The following SLC44A5 variants were observed in gnomAD, a reference collection of about 807,000 sequenced individuals.
SLC44A5 encodes the protein choline transporter-like protein 5.
SLC44A5 carries 57 observed loss-of-function variants against 101.8 expected under a neutral mutation model. The observed-to-expected ratio is 0.56, with a 90% CI of 0.45 to 0.70. SLC44A5 has a LOEUF of 0.70. Among genes scored for constraint, SLC44A5 ranks in the 30% least tolerant of loss-of-function variants. The pLI is 0.00. For synonymous variants in SLC44A5, 281 were observed against 290.9 expected (o/e 0.97, Z 0.35); for missense variants, 737 against 853.1 (o/e 0.86, Z 1.70).
the SLC44A5 span, among the ~76,000 whole-genome samples, chr1:75,627,508 G>A: frequency 2.0e-5 from 3 of 151,916 alleles, no homozygotes; most frequent in African/African-American, 7.3e-5. Context: ...GCGAGACCTT[G>A]TCTGTACAAA....
chr1:75,657,826 A>G, the SLC44A5 span, among the ~76,000 whole-genome samples: 2 of 152,150 alleles, frequency 1.3e-5, no homozygotes, highest in Admixed American at 6.5e-5. Flanking sequence ...CAACAATAGT[A>G]AAGGACTTCA....
chr1:75,636,927 T>C, the SLC44A5 span, among the ~76,000 whole-genome samples: 1 of 152,002 alleles, frequency 6.6e-6, no homozygotes, highest in East Asian at 1.9e-4. Flanking sequence ...CAAGGCTTAT[T>C]TGAGCAGTAG....
chr1:75,273,881 C>T (rs994086685), intron 6 of SLC44A5, among the ~76,000 whole-genome samples: 4 of 151,974 alleles, frequency 2.6e-5, no homozygotes, highest in African/African-American at 9.7e-5. Context: ...TAGGGTGATA[C>T]GGGCTTCCTA....
At chr1:75,330,094 A>AATAT (rs372949929) in intron 4 of SLC44A5, among the ~76,000 whole-genome samples, 2,134 of 147,402 alleles carry the variant, frequency 0.014, 57 homozygotes, top group African/African-American at 0.052. Context: ...TGGCAAATGA[A>AATAT]ATATATATAT....
chr1:75,653,938 C>T, the SLC44A5 span, among the ~76,000 whole-genome samples: 10 of 152,156 alleles, frequency 6.6e-5, no homozygotes, highest in Non-Finnish European at 1.5e-4. Flanking sequence ...CAGCTAGTAA[C>T]AAAGCCTTGC....
chr1:75,410,894 G>T (rs1179091233), intron 2 of SLC44A5, among the ~76,000 whole-genome samples: 2 of 152,152 alleles, frequency 1.3e-5, no homozygotes, highest in Middle Eastern at 3.2e-3. Context: ...AGGCCACAAA[G>T]AAATAGTGAG....
In SLC44A5 at chr1:75,245,001, C is replaced by T. The variant is rs567185607; in HGVS notation, c.346-1990G>A. On this transcript the variant is annotated intron_variant, in intron 7 of 23. Coordinates refer to ENST00000370859, the MANE Select transcript of SLC44A5 (RefSeq NM_001130058.2). ...GGTAAAAACACTGCTGCTTAGCTGA[C>T]ATCTCCTTTCCATCTTTTGGGTTAT... Among the ~76,000 whole-genome samples, 4 of 152,210 alleles carry T rather than the reference C, an allele frequency of 2.6e-5. No individual in the cohort carries two copies. The South Asian group carries it at 8.3e-4, about 32-fold the overall frequency.
the SLC44A5 span, among the ~76,000 whole-genome samples, chr1:75,626,069 G>C: frequency 6.6e-6 from 1 of 152,122 alleles, no homozygotes; most frequent in African/African-American, 2.4e-5. Context: ...GTGGAGAACA[G>C]GGGAAAGGAA....
intron 4 of SLC44A5, among the ~76,000 whole-genome samples, chr1:75,326,046 G>A (rs1480288733): frequency 4.0e-5 from 6 of 150,036 alleles, no homozygotes; most frequent in Non-Finnish European, 8.9e-5. Context: ...TTCAGATTTT[G>A]AAGCATTTTT....
At chr1:75,693,540 G>A in the SLC44A5 span, among the ~76,000 whole-genome samples, 38,003 of 152,036 alleles carry the variant, frequency 0.25, 5,086 homozygotes, top group Non-Finnish European at 0.3. Context: ...AAGACCAGAG[G>A]CAACAGTCAA....
chr1:75,288,938 C>T (rs1653303256), intron 5 of SLC44A5, among the ~76,000 whole-genome samples: 1 of 152,130 alleles, frequency 6.6e-6, no homozygotes, highest in Non-Finnish European at 1.5e-5. Context: ...CACAGATTTC[C>T]TTATATTCAT....
chr1:75,682,803 T>G, the SLC44A5 span, among the ~76,000 whole-genome samples: 2 of 151,984 alleles, frequency 1.3e-5, no homozygotes, highest in Non-Finnish European at 2.9e-5. Context: ...GAAACTACCA[T>G]CAGACTGAAC....
chr1:75,484,397 C>A (rs534697666), intron 2 of SLC44A5, among the ~76,000 whole-genome samples: 40 of 152,328 alleles, frequency 2.6e-4, no homozygotes, highest in African/African-American at 9.1e-4. Context: ...GTCATTAAAT[C>A]TTAAAGCTCT....
At chr1:75,509,908 T>C (rs1326952618) in intron 2 of SLC44A5, among the ~76,000 whole-genome samples, 1 of 152,196 alleles carries the variant, frequency 6.6e-6, no homozygotes, top group Non-Finnish European at 1.5e-5. Flanking sequence ...CTGGGTAATT[T>C]ATAAAGGAAA....
intron 6 of SLC44A5, 125 bp downstream of exon 6, chr1:75,274,833 G>A (rs986408535): frequency 4.3e-5 from 31 of 726,618 alleles, no homozygotes; most frequent in Non-Finnish European, 6.6e-5. Context: ...TTAGAAAAAA[G>A]GGAGGGAAGG....
chr1:75,333,999 T>C (rs1317543670), intron 4 of SLC44A5, among the ~76,000 whole-genome samples: 1 of 152,186 alleles, frequency 6.6e-6, no homozygotes, highest in African/African-American at 2.4e-5. Context: ...TGACCCTAGA[T>C]CTTTGCATGG....
the SLC44A5 span, among the ~76,000 whole-genome samples, chr1:75,680,199 T>A: frequency 6.6e-6 from 1 of 151,892 alleles, no homozygotes; most frequent in African/African-American, 2.4e-5. Flanking sequence ...ATTAGACAGA[T>A]CAACGAGACA....
chr1:75,676,555 G>A, the SLC44A5 span, among the ~76,000 whole-genome samples: 1 of 152,140 alleles, frequency 6.6e-6, no homozygotes, highest in Non-Finnish European at 1.5e-5. Flanking sequence ...AAAAAATGTT[G>A]GAAGGGGGAG....
chr1:75,593,160 A>G (rs1401593678), intron 1 of SLC44A5, among the ~76,000 whole-genome samples: 1 of 152,108 alleles, frequency 6.6e-6, no homozygotes, highest in Non-Finnish European at 1.5e-5. Flanking sequence ...TATTAATCCA[A>G]TCAAAACATG....
Sources: gnomAD v4.1 joint callset for allele counts (sites outside exome capture counted in the v4.1 genomes callset) on GRCh38, gnomAD v4.1.1 for gene constraint, MANE v1.5 for transcripts, NCBI Gene and HGNC (gene_info 2026-07-23, HGNC 2026-07-21) for gene names.